ATF6: variants seen among roughly 807,000 people sequenced by gnomAD.
The protein encoded by ATF6 is activating transcription factor 6, also known as cyclic AMP-dependent transcription factor ATF-6 alpha.
In ATF6, 53 loss-of-function variants were observed where a neutral mutation model predicts 83.6. The observed-to-expected ratio is 0.63, with a 90% CI of 0.51 to 0.80. ATF6 has a LOEUF of 0.80. Among genes scored for constraint, ATF6 ranks in the 30% least tolerant of loss-of-function variants. ATF6 has a pLI of 0.00. For missense variants in ATF6, 744 were observed against 797.9 expected, an observed-to-expected ratio of 0.93 and a Z score of 0.81; for synonymous variants, 288 against 285.8, an observed-to-expected ratio of 1.01 and a Z score of -0.08.
At chr1:161,886,842 C>A (rs910248260) in intron 14 of ATF6, among the ~76,000 whole-genome samples, 3 of 152,156 alleles carry the variant, frequency 2.0e-5, no homozygotes, top group Non-Finnish European at 1.5e-5. Context: ...TGGACTTAAC[C>A]ACAGTCCTGT....
chr1:161,787,767 T>C (rs1684777525), intron 4 of ATF6, among the ~76,000 whole-genome samples: 1 of 152,232 alleles, frequency 6.6e-6, no homozygotes, highest in African/African-American at 2.4e-5. Context: ...TCCAATTTTA[T>C]GTTTTTCCAA....
chr1:161,786,298 A>T (rs551271453), intron 4 of ATF6, among the ~76,000 whole-genome samples: 3 of 152,094 alleles, frequency 2.0e-5, no homozygotes, highest in African/African-American at 7.2e-5. Flanking sequence ...TCATTTTTTA[A>T]TTGAATTGTA....
chr1:161,818,481 G>A (rs746374178), intron 7 of ATF6, among the ~76,000 whole-genome samples: 10 of 152,172 alleles, frequency 6.6e-5, no homozygotes, highest in Non-Finnish European at 1.2e-4. Context: ...TCTAGGTGGG[G>A]AAAGAGAGAG....
At position 161,821,314 on chromosome 1, in the gene ATF6, G is replaced by T. The variant is rs747552804; in HGVS notation, c.1187+153G>T. Reference sequence around the variant, plus strand: ...GGAGCCATGCCTTCAAAGATCTCATGATCCAGCTGGGAGGAGAGACAAGTA... The same window carrying T: ...GGAGCCATGCCTTCAAAGATCTCATTATCCAGCTGGGAGGAGAGACAAGTA... On this transcript the variant is annotated intron_variant, in intron 9 of 15. Transcript: ENST00000367942. 2.4e-4 allele frequency among the ~76,000 whole-genome samples: 36 copies of T among 152,194 alleles called. 1 individual carries two copies. Among genetic ancestry groups the T allele is most frequent in the Non-Finnish European group, 2.9e-5 (2 of 68,036 alleles).
At chr1:161,931,540 AG>A (rs1688433393) in intron 15 of ATF6, among the ~76,000 whole-genome samples, 2 of 150,682 alleles carry the variant, frequency 1.3e-5, no homozygotes, top group Admixed American at 6.6e-5. Flanking sequence ...TCTATAACTC[AG>A]TGGTTTTTAG....
At chr1:161,806,829 C>T (rs908097291) in intron 7 of ATF6, among the ~76,000 whole-genome samples, 2 of 152,084 alleles carry the variant, frequency 1.3e-5, no homozygotes, top group African/African-American at 4.8e-5. Flanking sequence ...AGGGGATTCT[C>T]CTGTCATACC....
At chr1:161,768,215 T>G (rs962625103) in intron 1 of ATF6, among the ~76,000 whole-genome samples, 2 of 152,316 alleles carry the variant, frequency 1.3e-5, no homozygotes, top group Admixed American at 6.5e-5. Context: ...TTATGTCGTC[T>G]TCTGATACCC....
chr1:161,829,256 G>C (rs1037739224), intron 9 of ATF6, among the ~76,000 whole-genome samples: 8 of 140,248 alleles, frequency 5.7e-5, no homozygotes, highest in African/African-American at 2.1e-4. Flanking sequence ...CTGGAGTGCA[G>C]TGGCGCGATC....
intron 14 of ATF6, among the ~76,000 whole-genome samples, chr1:161,870,706 C>T (rs991512299): frequency 1.3e-5 from 2 of 151,752 alleles, no homozygotes; most frequent in Non-Finnish European, 3.0e-5. Context: ...TTTTTACTTA[C>T]ACTTTTCAAT....
At chr1:161,954,302 G>A (rs1407433737) in intron 15 of ATF6, among the ~76,000 whole-genome samples, 1 of 152,152 alleles carries the variant, frequency 6.6e-6, no homozygotes, top group Non-Finnish European at 1.5e-5. Flanking sequence ...CGTGGTCCAT[G>A]AGTGAGTGGA....
chr1:161,798,830 A>G (rs1685078046), intron 6 of ATF6, among the ~76,000 whole-genome samples: 1 of 152,272 alleles, frequency 6.6e-6, no homozygotes, highest in Admixed American at 6.5e-5. Flanking sequence ...GACATGGCCA[A>G]TAAGCATATG....
At chr1:161,834,771 A>T (rs1257614825) in intron 9 of ATF6, among the ~76,000 whole-genome samples, 3 of 151,978 alleles carry the variant, frequency 2.0e-5, no homozygotes, top group African/African-American at 4.8e-5. Context: ...AACCTAAAGT[A>T]TAATAATAAT....
chr1:161,822,903 CTT>C (rs1178552991), intron 9 of ATF6, among the ~76,000 whole-genome samples: 1 of 152,036 alleles, frequency 6.6e-6, no homozygotes, highest in Non-Finnish European at 1.5e-5. Context: ...TGTGTTGTGT[CTT>C]TGTGTTTATA....
intron 15 of ATF6, among the ~76,000 whole-genome samples, chr1:161,917,962 C>T (rs1375892498): frequency 6.6e-6 from 1 of 152,098 alleles, no homozygotes; most frequent in East Asian, 1.9e-4. Context: ...CACTATATAG[C>T]AGAGCCAAGA....
chr1:161,853,455 C>G, intron 12 of ATF6, 132 bp downstream of exon 12: 1 of 696,916 alleles, frequency 1.4e-6, no homozygotes. Context: ...CTGCTGCTTC[C>G]GATGCAGCTA....
At chr1:161,828,365 G>A (rs1685957026) in intron 9 of ATF6, among the ~76,000 whole-genome samples, 1 of 152,138 alleles carries the variant, frequency 6.6e-6, no homozygotes, top group African/African-American at 2.4e-5. Flanking sequence ...TCAGAGGCCA[G>A]AAATAATAAA....
In ATF6 at chr1:161,959,403, G is replaced by A. The variant is rs1689041624; in HGVS notation, c.*749G>A. ...AATACACATGTTTAAAAGATGGAAA[G>A]TTCACGCCTGTAATCCCAGCACTTT... On this transcript the variant is annotated 3_prime_UTR_variant, in exon 16 of 16. Coordinates refer to ENST00000367942, the MANE Select transcript of ATF6 (RefSeq NM_007348.4). 1 of 152,300 alleles carries A rather than the reference G, an allele frequency of 6.6e-6. No individual in the cohort carries two copies. Among genetic ancestry groups the A allele is most frequent in the South Asian group, 2.1e-4 (1 of 4,826 alleles). 9.4% of individuals were successfully genotyped at this position (152,300 alleles called of 1,614,324 possible).
At chr1:161,902,002 G>A (rs111998161) in intron 14 of ATF6, among the ~76,000 whole-genome samples, 3 of 151,994 alleles carry the variant, frequency 2.0e-5, no homozygotes, top group South Asian at 2.1e-4. Context: ...ATATCACCAC[G>A]AATCACATCA....
chr1:161,892,751 C>T (rs1294696735), intron 14 of ATF6, among the ~76,000 whole-genome samples: 1 of 151,650 alleles, frequency 6.6e-6, no homozygotes, highest in Non-Finnish European at 1.5e-5. Flanking sequence ...ATTCTCCTGC[C>T]TCAGCCTTCC....
Sources: allele counts gnomAD v4.1 joint callset (sites outside exome capture counted in the v4.1 genomes callset), GRCh38; gene constraint gnomAD v4.1.1; transcripts MANE v1.5; gene names NCBI Gene and HGNC (gene_info 2026-07-23, HGNC 2026-07-21).